The following CFAP77 variants were observed in gnomAD, a reference collection of about 807,000 sequenced individuals.
CFAP77 encodes cilia- and flagella-associated protein 77.
Under a neutral mutation model 31.1 loss-of-function variants are expected in CFAP77, and 25 were observed. That is an observed-to-expected ratio of 0.80 (90% CI 0.59 to 1.12). CFAP77 has a LOEUF of 1.12. CFAP77 is among the 50% of genes most tolerant of loss of function. The pLI is 0.00. For missense variants in CFAP77, 377 were observed against 397.3 expected, an observed-to-expected ratio of 0.95 and a Z score of 0.44; for synonymous variants, 151 against 159.9, an observed-to-expected ratio of 0.94 and a Z score of 0.42.
At chr9:132,566,769 G>A (rs574749879) in intron 5 of CFAP77, among the ~76,000 whole-genome samples, 100 of 152,258 alleles carry the variant, frequency 6.6e-4, no homozygotes, top group African/African-American at 2.3e-3. Flanking sequence ...ACTCCGCCTC[G>A]CTGGGGCCCC....
chr9:132,441,290 A>G (rs1589852055), intron 1 of CFAP77, among the ~76,000 whole-genome samples: 1 of 152,288 alleles, frequency 6.6e-6, no homozygotes, highest in South Asian at 2.1e-4. Flanking sequence ...GTAAAACTGC[A>G]CTCAACTCTG....
intron 3 of CFAP77, among the ~76,000 whole-genome samples, chr9:132,510,635 G>A (rs993587561): frequency 6.6e-6 from 1 of 152,172 alleles, no homozygotes; most frequent in Non-Finnish European, 1.5e-5. Flanking sequence ...GCCCAGCCAG[G>A]AGGAGCTGCA....
intron 1 of CFAP77, among the ~76,000 whole-genome samples, chr9:132,450,568 G>A (rs556508362): frequency 6.6e-6 from 1 of 152,302 alleles, no homozygotes; most frequent in African/African-American, 2.4e-5. Flanking sequence ...CTGAGGCATG[G>A]TTCATTAATG....
At chr9:132,535,848 C>G (rs1290633308) in intron 3 of CFAP77, among the ~76,000 whole-genome samples, 6 of 152,126 alleles carry the variant, frequency 3.9e-5, no homozygotes, top group Non-Finnish European at 7.4e-5. Flanking sequence ...AATCCTTTCT[C>G]TTTAATTTTT....
chr9:132,548,996 G>C (rs1371937970), intron 5 of CFAP77, among the ~76,000 whole-genome samples: 1 of 152,176 alleles, frequency 6.6e-6, no homozygotes, highest in Non-Finnish European at 1.5e-5. Context: ...AATAGAACAG[G>C]AGATGGAGGG....
chr9:132,546,656 C>T (rs372196009), intron 5 of CFAP77, among the ~76,000 whole-genome samples: 1 of 152,138 alleles, frequency 6.6e-6, no homozygotes, highest in Non-Finnish European at 1.5e-5. Flanking sequence ...AGGAGAGGGA[C>T]CAAAGAGGGA....
rs1324539797 is a variant in CFAP77, at chr9:132,537,662, C to G, written c.586C>G (p.Gln196Glu). The G allele has an allele frequency of 6.2e-7, 1 of 1,613,404 alleles. No homozygotes were observed. The highest frequency in any genetic ancestry group is 1.1e-5 in the South Asian group (1 of 90,876). The change falls in exon 4 of 6, where the codon CAA becomes GAA. Residue 196 changes from glutamine (Q) to glutamate (E), a missense_variant. Gln to Glu is a conservative substitution (Grantham distance 29). Coordinates refer to ENST00000393216, the MANE Select transcript of CFAP77 (RefSeq NM_001282957.2). ...HRYLQLWVQEQKATQKAIKLE... is the reference protein window; with the variant it reads ...HRYLQLWVQEEKATQKAIKLE... ...GTACCTGCAGCTGTGGGTACAGGAA[C>G]AAAAGGCCACCCAGAAAGCCATCAA...
In CFAP77 at chr9:132,498,302, C is replaced by T. The variant is rs564403176; in HGVS notation, c.196-393C>T. Among the ~76,000 whole-genome samples, 42 of 152,242 alleles carry T rather than the reference C, an allele frequency of 2.8e-4. No individual in the cohort carries two copies. The highest frequency in any genetic ancestry group is 9.6e-4 in the African/African-American group (40 of 41,528). ...AGGTAGGAAAGATGTCTCCTTCCTTCGACGGGGCCTCCAGATGAGGCCTCC... is the reference window on the plus strand; with the variant it reads ...AGGTAGGAAAGATGTCTCCTTCCTTTGACGGGGCCTCCAGATGAGGCCTCC... On this transcript the variant is annotated intron_variant, in intron 1 of 5. Transcript: ENST00000393216. The surrounding 1 kb of genome is among the most constrained non-coding windows in gnomAD (Gnocchi z 4.2).
rs920052547 is a variant in CFAP77, at chr9:132,480,536, G to A, written c.196-18159G>A. ...TGTGCCGGGCACCGGAGACGCCACA[G>A]CAAATGAGACAGGTCTGTCCCGTGC... On this transcript the variant is annotated intron_variant, in intron 1 of 5. Transcript: ENST00000393216. This position sits in a 1 kb window ranked among gnomAD's most constrained non-coding sequence, Gnocchi z 5.8. 1.3e-5 allele frequency among the ~76,000 whole-genome samples: 2 copies of A among 152,338 alleles called. No homozygotes were observed. Among genetic ancestry groups the A allele is most frequent in the South Asian group, 2.1e-4 (1 of 4,828 alleles).
intron 3 of CFAP77, among the ~76,000 whole-genome samples, chr9:132,531,590 G>T (rs1310962870): frequency 6.7e-6 from 1 of 148,828 alleles, no homozygotes; most frequent in Non-Finnish European, 1.5e-5. Flanking sequence ...AGGGACCTGC[G>T]GCCCGGGCAA....
Position 132,468,622 on chromosome 9 carries a change from A to G in CFAP77, c.196-30073A>G, listed in dbSNP as rs577121378. 6.6e-5 allele frequency among the ~76,000 whole-genome samples: 10 copies of G among 152,222 alleles called. No homozygotes were observed. In the South Asian group the frequency reaches 1.5e-3, roughly 22 times the overall value. On this transcript the variant is annotated intron_variant, in intron 1 of 5. Transcript: ENST00000393216. ...AGCCCTTGCCCTGCATTTTCTAACA[A>G]TTGTCACAGGGGTAATTCAATGCTT... is the stretch of plus-strand genomic sequence containing the variant.
At chr9:132,507,705 G>A (rs766006042) in intron 3 of CFAP77, among the ~76,000 whole-genome samples, 14 of 152,088 alleles carry the variant, frequency 9.2e-5, no homozygotes, top group Admixed American at 4.6e-4. Flanking sequence ...ACCCACCCAA[G>A]CTCCTATAAA....
At chr9:132,523,092 T>TTTC (rs1180376709) in intron 3 of CFAP77, among the ~76,000 whole-genome samples, 20,292 of 87,188 alleles carry the variant, frequency 0.23, 1,659 homozygotes, top group East Asian at 0.35. Context: ...TTCTTTCTTT[T>TTTC]TTTTTTTTTT....
intron 5 of CFAP77, among the ~76,000 whole-genome samples, chr9:132,560,156 T>A (rs1336228320): frequency 6.6e-6 from 1 of 152,156 alleles, no homozygotes; most frequent in Non-Finnish European, 1.5e-5. Flanking sequence ...TTATGGTATG[T>A]GAATTATATC....
intron 1 of CFAP77, among the ~76,000 whole-genome samples, chr9:132,425,609 G>T (rs1433041781): frequency 1.3e-5 from 2 of 152,122 alleles, no homozygotes; most frequent in Admixed American, 6.5e-5. Flanking sequence ...AGTTTTAGGA[G>T]TCTTTTCTTG....
chr9:132,541,542 G>A (rs1240141719), intron 4 of CFAP77, among the ~76,000 whole-genome samples: 2 of 152,134 alleles, frequency 1.3e-5, no homozygotes, highest in Non-Finnish European at 2.9e-5. Flanking sequence ...TGGCCAACAC[G>A]GCAAAACCCT....
chr9:132,557,165 G>C (rs1852918644), intron 5 of CFAP77, among the ~76,000 whole-genome samples: 1 of 152,206 alleles, frequency 6.6e-6, no homozygotes, highest in South Asian at 2.1e-4. Flanking sequence ...GCGTGTGTTG[G>C]ACAGGGGCTC....
intron 1 of CFAP77, among the ~76,000 whole-genome samples, chr9:132,435,257 G>T (rs1279982380): frequency 9.9e-5 from 15 of 152,164 alleles, no homozygotes; most frequent in Admixed American, 9.8e-4. Context: ...GTGGGCTAAT[G>T]AAAATGTCAC....
intron 3 of CFAP77, among the ~76,000 whole-genome samples, chr9:132,529,520 C>CAAAAAAAACA (rs1852398426): frequency 2.4e-5 from 3 of 123,416 alleles, no homozygotes; most frequent in Admixed American, 7.7e-5. Flanking sequence ...AAAAAAAAAA[C>CAAAAAAAACA]AAAAAAAAAA....
Sources: gnomAD v4.1 joint callset for allele counts (sites outside exome capture counted in the v4.1 genomes callset) on GRCh38, gnomAD v4.1.1 for gene constraint, Gnocchi (gnomAD v3.1) non-coding constraint, MANE v1.5 for transcripts, NCBI Gene and HGNC (gene_info 2026-07-23, HGNC 2026-07-21) for gene names.